Variants in PDCL3 observed in about 807,000 individuals in gnomAD.
The protein encoded by PDCL3 is phosducin-like protein 3.
A neutral mutation model predicts 26.5 loss-of-function variants in PDCL3; 22 were observed. The observed-to-expected ratio is 0.83, with a 90% CI of 0.59 to 1.19. The LOEUF (loss-of-function observed/expected upper bound fraction) is 1.19. Among genes scored for constraint, PDCL3 ranks in the 50% most tolerant of loss-of-function variants. The pLI is 0.00. For synonymous variants in PDCL3, 81 were observed against 104.9 expected (o/e 0.77, Z 1.39); for missense variants, 246 against 294.1 (o/e 0.84, Z 1.20).
chr2:100,574,922 C>T (rs865802800), intron 5 of PDCL3, among the ~76,000 whole-genome samples: 17 of 152,188 alleles, frequency 1.1e-4, no homozygotes, highest in Middle Eastern at 3.4e-3. Flanking sequence ...GGCAACATAG[C>T]GAGATCCCAT....
At chr2:100,570,286 TAA>T (rs1394798538) in intron 4 of PDCL3, among the ~76,000 whole-genome samples, 1 of 152,182 alleles carries the variant, frequency 6.6e-6, no homozygotes, top group African/African-American at 2.4e-5. Context: ...AAGGAATTCC[TAA>T]GTTATTTATT....
chr2:100,574,062 A>G (rs4851338), intron 5 of PDCL3, among the ~76,000 whole-genome samples: 48,146 of 151,810 alleles, frequency 0.32, 8,141 homozygotes, highest in Admixed American at 0.43. Flanking sequence ...GGAGTGCAGT[A>G]GCACTATCTT....
chr2:100,571,945 C>T (rs1675185604), intron 5 of PDCL3, 147 bp downstream of exon 5: 1 of 732,952 alleles, frequency 1.4e-6, no homozygotes, highest in Non-Finnish European at 2.3e-6. Context: ...TTTAATCTCT[C>T]ATCTTAGTTG....
At chr2:100,574,853 G>C (rs1675248881) in intron 5 of PDCL3, among the ~76,000 whole-genome samples, 1 of 152,178 alleles carries the variant, frequency 6.6e-6, no homozygotes, top group Admixed American at 6.5e-5. Flanking sequence ...TGTAATCCTA[G>C]CATGTTGGGA....
chr2:100,576,448 G>T lies in PDCL3; in HGVS notation c.672G>T (p.Val224=). ...KPIEDVLLSS[V]RRSVLMKRDS... ...TTGAAGACGTGTTGCTGTCCTCAGT[G>T]CGGCGCTCTGTCCTCATGAAGAGGG... is the stretch of plus-strand genomic sequence containing the variant. Residue 224 remains valine (V), a synonymous_variant, in exon 6 of 6, where the codon GTG becomes GTT. Coordinates refer to ENST00000264254, the MANE Select transcript of PDCL3 (RefSeq NM_024065.5). The T allele has an allele frequency of 1.2e-6, 2 of 1,613,904 alleles. No individual in the cohort carries two copies. The highest frequency in any genetic ancestry group is 1.7e-6 in the Non-Finnish European group (2 of 1,179,838).
intron 1 of PDCL3, among the ~76,000 whole-genome samples, chr2:100,565,741 A>C (rs946882447): frequency 3.9e-5 from 6 of 152,014 alleles, no homozygotes; most frequent in African/African-American, 1.4e-4. Context: ...CCACAATTTT[A>C]TCTCTCTATG....
chr2:100,563,290 C>T, intron 1 of PDCL3: 3 of 512,872 alleles, frequency 5.8e-6, no homozygotes, highest in South Asian at 3.4e-5. Flanking sequence ...TGTGCCGGGT[C>T]CCCCAAACCT....
intron 5 of PDCL3, among the ~76,000 whole-genome samples, chr2:100,575,254 G>C (rs1011010005): frequency 6.6e-6 from 1 of 152,164 alleles, no homozygotes; most frequent in African/African-American, 2.4e-5. Context: ...TCCAGCCTCA[G>C]CCTCCCGAGT....
At chr2:100,570,300 CT>C (rs1675141580) in intron 4 of PDCL3, among the ~76,000 whole-genome samples, 1 of 151,886 alleles carries the variant, frequency 6.6e-6, no homozygotes, top group Admixed American at 6.6e-5. Context: ...TTATTTATTC[CT>C]TTACAGGAAC....
chr2:100,574,441 C>CTT (rs879348667), intron 5 of PDCL3, among the ~76,000 whole-genome samples: 12 of 142,908 alleles, frequency 8.4e-5, no homozygotes, highest in African/African-American at 2.6e-5. Context: ...TCGTGGAACA[C>CTT]TTTTTTTTTT....
intron 5 of PDCL3, among the ~76,000 whole-genome samples, chr2:100,574,408 G>T (rs1027712384): frequency 5.3e-5 from 8 of 150,768 alleles, no homozygotes; most frequent in African/African-American, 2.0e-4. Flanking sequence ...ACCTAGAGCC[G>T]AAAATACTGG....
At chr2:100,565,055 T>C (rs1313032776) in intron 1 of PDCL3, among the ~76,000 whole-genome samples, 1 of 152,184 alleles carries the variant, frequency 6.6e-6, no homozygotes, top group Non-Finnish European at 1.5e-5. Flanking sequence ...CACAGTCTCT[T>C]TGCTCTTGGG....
At chr2:100,569,523 ATGTGTG>A in intron 3 of PDCL3, 49 bp from the exon 4 acceptor site, 1 of 1,583,984 alleles carries the variant, frequency 6.3e-7, no homozygotes, top group South Asian at 1.2e-5. Context: ...CTTCTAGACG[ATGTGTG>A]TGTACACGTG....
In PDCL3 at chr2:100,568,959, A is replaced by G. The variant is rs1317565705; in HGVS notation, c.162A>G (p.Glu54=). ...VVKTYEDMTL[E]ELEDHEDEFN... ...AAACATATGAAGATATGACTTTGGA[A>G]GAGCTGGAGGATCATGAAGACGAGT... The change falls in exon 3 of 6, where the codon GAA becomes GAG. Residue 54 remains glutamate (E), a synonymous_variant. Transcript: ENST00000264254. The G allele has an allele frequency of 6.2e-7, 1 of 1,614,074 alleles. No homozygotes were observed. Among genetic ancestry groups the G allele is most frequent in the Non-Finnish European group, 8.5e-7 (1 of 1,179,926 alleles).
intron 1 of PDCL3, among the ~76,000 whole-genome samples, chr2:100,563,757 T>A (rs1328676669): frequency 6.6e-6 from 1 of 152,056 alleles, no homozygotes; most frequent in Non-Finnish European, 1.5e-5. Context: ...GGTGAAAACC[T>A]ATGCCAACTA....
rs1674986041 is a variant in PDCL3 at position 100,563,230 on chromosome 2, A to G, written c.6+157A>G. On this transcript the variant is annotated intron_variant, in intron 1 of 5. Coordinates refer to ENST00000264254, the MANE Select transcript of PDCL3 (RefSeq NM_024065.5). ...AGGCCCTGCGCAGGCGCAGTGCGGG[A>G]GGCGGGCGTGGTCCCACCAGGACCC... 5.4e-6 allele frequency: 5 copies of G among 927,580 alleles called. No homozygotes were observed. In the East Asian group the frequency reaches 1.5e-4, roughly 29 times the overall value. 57.5% of individuals were successfully genotyped at this position (927,580 alleles called of 1,614,324 possible). A position where few individuals can be genotyped will look rare whatever the true frequency, so the allele number is the denominator to read the frequency against.
intron 2 of PDCL3, among the ~76,000 whole-genome samples, 189 bp downstream of exon 2, chr2:100,566,818 G>A (rs943196848): frequency 6.6e-6 from 1 of 152,286 alleles, no homozygotes; most frequent in Non-Finnish European, 1.5e-5. Flanking sequence ...CTTCAGATAT[G>A]TCCCACAAGT....
chr2:100,564,366 G>C (rs1198211961), intron 1 of PDCL3, among the ~76,000 whole-genome samples: 1 of 151,552 alleles, frequency 6.6e-6, no homozygotes, highest in African/African-American at 2.4e-5. Flanking sequence ...GCGCGACCTC[G>C]GCTCACTGCA....
In PDCL3 at chr2:100,568,969, G is replaced by A; in HGVS notation, c.172G>A (p.Asp58Asn). Residue 58 changes from aspartate (D) to asparagine (N), a missense_variant, in exon 3 of 6, where the codon GAT (aspartate) becomes AAT (asparagine). Physicochemically the swap from Asp to Asn is conservative, Grantham distance 23. Coordinates refer to ENST00000264254, the MANE Select transcript of PDCL3 (RefSeq NM_024065.5). ...AGATATGACTTTGGAAGAGCTGGAG[G>A]ATCATGAAGACGAGTTTAATGAGGA... The part of the protein sequence containing the change: ...YEDMTLEELE[D>N]HEDEFNEEDE... The A allele has an allele frequency of 6.2e-7, 1 of 1,614,012 alleles. No individual in the cohort carries two copies. Among genetic ancestry groups the A allele is most frequent in the East Asian group, 2.2e-5 (1 of 44,882 alleles).
Sources: gnomAD v4.1 joint callset for allele counts (sites outside exome capture counted in the v4.1 genomes callset) on GRCh38, gnomAD v4.1.1 for gene constraint, MANE v1.5 for transcripts, NCBI Gene and HGNC (gene_info 2026-07-23, HGNC 2026-07-21) for gene names.